The following OLFM3 variants were observed in gnomAD, a reference collection of about 807,000 sequenced individuals.
OLFM3 encodes the protein noelin-3.
A neutral mutation model predicts 48.6 loss-of-function variants in OLFM3; 20 were observed. That is an observed-to-expected ratio of 0.41 (90% CI 0.29 to 0.60). The LOEUF (loss-of-function observed/expected upper bound fraction) is 0.60. Ranked by LOEUF, OLFM3 falls within the 20% of genes least tolerant of loss-of-function variation. The pLI is 0.28. For synonymous variants in OLFM3, 222 were observed against 198.1 expected, an observed-to-expected ratio of 1.12 and a Z score of -1.01; for missense variants, 437 against 544.3, an observed-to-expected ratio of 0.80 and a Z score of 1.96.
At chr1:101,941,462 A>T (rs1659793283) in intron 1 of OLFM3, among the ~76,000 whole-genome samples, 1 of 152,088 alleles carries the variant, frequency 6.6e-6, no homozygotes, top group Non-Finnish European at 1.5e-5. Context: ...GATTATAGTT[A>T]TATTCTTTGC....
intron 1 of OLFM3, among the ~76,000 whole-genome samples, chr1:101,916,629 G>A (rs1304979294): frequency 6.6e-6 from 1 of 152,130 alleles, no homozygotes; most frequent in Non-Finnish European, 1.5e-5. Context: ...CAACTGCTAA[G>A]GACAGTATTT....
chr1:101,960,316 G>A (rs1291295429), intron 1 of OLFM3, among the ~76,000 whole-genome samples: 2 of 152,128 alleles, frequency 1.3e-5, no homozygotes, highest in Non-Finnish European at 2.9e-5. Flanking sequence ...GAACTCAGAC[G>A]CATTGTGACT....
At chr1:101,983,763 T>G (rs1329197383) in intron 1 of OLFM3, among the ~76,000 whole-genome samples, 4 of 152,238 alleles carry the variant, frequency 2.6e-5, no homozygotes, top group Admixed American at 6.5e-5. Flanking sequence ...AACACATTTT[T>G]TTCTCAATTG....
chr1:101,806,256 C>T, intron 4 of OLFM3, 74 bp from the exon 5 acceptor site: 3 of 1,088,518 alleles, frequency 2.8e-6, no homozygotes, highest in South Asian at 2.6e-5. Context: ...ACACTAAGAG[C>T]AAAGAAGGGG....
intron 4 of OLFM3, among the ~76,000 whole-genome samples, chr1:101,824,714 A>G (rs1654776297): frequency 6.6e-6 from 1 of 152,176 alleles, no homozygotes. Context: ...CTAGCCAAGC[A>G]ATGACTGATA....
Position 101,804,012 on chromosome 1 carries a change from T to G in OLFM3, c.*226A>C. ...AAACTCTTTTTTTTTTTAGTGCTTTTCATGACAAGGACATGATAGGCCTTG... is the reference window on the plus strand; with the variant it reads ...AAACTCTTTTTTTTTTTAGTGCTTTGCATGACAAGGACATGATAGGCCTTG... On this transcript the variant is annotated 3_prime_UTR_variant, in exon 6 of 6. Transcript: ENST00000370103. The surrounding 1 kb of genome is among the most constrained non-coding windows in gnomAD (Gnocchi z 4.5). The G allele has an allele frequency of 2.9e-6, 1 of 344,596 alleles. No individual in the cohort carries two copies. Among genetic ancestry groups the G allele is most frequent in the Non-Finnish European group, 5.2e-6 (1 of 191,898 alleles). The allele number at this position is 344,596 out of a possible 1,614,324, so 21.3% of individuals were successfully genotyped here.
chr1:101,993,350 C>T (rs1298012114), intron 1 of OLFM3, among the ~76,000 whole-genome samples: 1 of 152,122 alleles, frequency 6.6e-6, no homozygotes, highest in Non-Finnish European at 1.5e-5. Context: ...AAGGTCATTA[C>T]TGAAATCAAT....
intron 1 of OLFM3, among the ~76,000 whole-genome samples, chr1:101,991,479 G>A (rs536670193): frequency 5.3e-4 from 81 of 152,072 alleles, no homozygotes; most frequent in African/African-American, 1.9e-3. Context: ...AAAAATTGAA[G>A]CTTTAAAAAT....
chr1:101,972,936 G>A (rs977864624), intron 1 of OLFM3, among the ~76,000 whole-genome samples: 2 of 151,918 alleles, frequency 1.3e-5, no homozygotes, highest in African/African-American at 4.8e-5. Flanking sequence ...CCTCCTCTGC[G>A]GCAATGGCAA....
intron 1 of OLFM3, among the ~76,000 whole-genome samples, chr1:101,962,363 T>C (rs1395666616): frequency 1.3e-5 from 2 of 152,146 alleles, no homozygotes; most frequent in East Asian, 3.8e-4. Flanking sequence ...TAAAGTGGGC[T>C]TTTTGTTCCT....
At chr1:101,856,543 G>A (rs1656416449) in intron 1 of OLFM3, among the ~76,000 whole-genome samples, 1 of 151,956 alleles carries the variant, frequency 6.6e-6, no homozygotes, top group Admixed American at 6.6e-5. Flanking sequence ...GGAAAAAAAT[G>A]TTGATAAAGG....
At chr1:101,956,801 C>A (rs1660310574) in intron 1 of OLFM3, among the ~76,000 whole-genome samples, 1 of 151,822 alleles carries the variant, frequency 6.6e-6, no homozygotes, top group Admixed American at 6.6e-5. Flanking sequence ...CAAACATAAT[C>A]TATAGGGAAT....
chr1:101,923,989 G>A (rs905657806), intron 1 of OLFM3, among the ~76,000 whole-genome samples: 1 of 152,074 alleles, frequency 6.6e-6, no homozygotes, highest in African/African-American at 2.4e-5. Flanking sequence ...ATCCACATTT[G>A]AGGCCTGAAT....
chr1:101,985,081 A>AAG (rs1661198834), intron 1 of OLFM3, among the ~76,000 whole-genome samples: 2 of 152,188 alleles, frequency 1.3e-5, no homozygotes, highest in Admixed American at 6.5e-5. Context: ...TTCTAGAGGC[A>AAG]GCCTGCATAT....
chr1:101,855,430 C>G (rs770338823), intron 1 of OLFM3, among the ~76,000 whole-genome samples: 4 of 152,068 alleles, frequency 2.6e-5, no homozygotes, highest in African/African-American at 7.2e-5. Flanking sequence ...GTTATGCTAT[C>G]TCACTGTGTC....
At chr1:101,839,845 G>A (rs1285059928) in intron 1 of OLFM3, among the ~76,000 whole-genome samples, 1 of 152,152 alleles carries the variant, frequency 6.6e-6, no homozygotes, top group African/African-American at 2.4e-5. Context: ...TTGTCTTATT[G>A]TAAGAATCAG....
chr1:101,856,269 C>T (rs1400899388), intron 1 of OLFM3, among the ~76,000 whole-genome samples: 1 of 151,876 alleles, frequency 6.6e-6, no homozygotes, highest in Non-Finnish European at 1.5e-5. Context: ...TGAAAGCATC[C>T]TAAGAGTTAT....
intron 4 of OLFM3, among the ~76,000 whole-genome samples, chr1:101,823,777 T>C (rs1453679787): frequency 6.6e-6 from 1 of 151,922 alleles, no homozygotes; most frequent in Non-Finnish European, 1.5e-5. Context: ...AATGAGAAAA[T>C]GTAGACTGTG....
chr1:101,933,871 T>C (rs1272013604), intron 1 of OLFM3, among the ~76,000 whole-genome samples: 2 of 152,158 alleles, frequency 1.3e-5, no homozygotes, highest in African/African-American at 4.8e-5. Flanking sequence ...AACTAAGCTT[T>C]ATAAGCGAAG....
Sources: gnomAD v4.1 joint callset for allele counts (sites outside exome capture counted in the v4.1 genomes callset) on GRCh38, gnomAD v4.1.1 for gene constraint, Gnocchi (gnomAD v3.1) non-coding constraint, MANE v1.5 for transcripts, NCBI Gene and HGNC (gene_info 2026-07-23, HGNC 2026-07-21) for gene names.